The following ME1 variants were observed in gnomAD, a reference collection of about 807,000 sequenced individuals.
The protein encoded by ME1 is malic enzyme 1, also known as NADP-dependent malic enzyme.
ME1 carries 74 observed loss-of-function variants against 66.4 expected under a neutral mutation model. The ratio of observed to expected loss-of-function variants is 1.11; its 90% confidence interval spans 0.92 to 1.35. ME1 has a LOEUF of 1.35. Ranked by LOEUF, ME1 falls within the 40% of genes most tolerant of loss-of-function variation. The pLI, the probability that ME1 is intolerant of heterozygous loss-of-function variation, is 0.00. For missense variants in ME1, 750 were observed against 694.1 expected, an observed-to-expected ratio of 1.08 and a Z score of -0.90; for synonymous variants, 251 against 235.6, an observed-to-expected ratio of 1.07 and a Z score of -0.60.
At position 83,236,284 on chromosome 6, in the gene ME1, C is replaced by T. The variant is rs181602050; in HGVS notation, c.1026+1433G>A. ...GTAAATAATGCTGCAATAATATCCT[C>T]ATACATAAAATACTGTATACATCTC... On this transcript the variant is annotated intron_variant, in intron 9 of 13. Transcript: ENST00000369705. Among the ~76,000 whole-genome samples, 309 of 152,202 alleles carry T rather than the reference C, an allele frequency of 2.0e-3. 1 individual carries two copies. Among genetic ancestry groups the T allele is most frequent in the Middle Eastern group, 3.4e-3 (1 of 290 alleles).
At chr6:83,307,902 C>G (rs1205016198) in intron 6 of ME1, among the ~76,000 whole-genome samples, 1 of 152,054 alleles carries the variant, frequency 6.6e-6, no homozygotes, top group African/African-American at 2.4e-5. Flanking sequence ...TTTAGTATAT[C>G]TGGCCATGAT....
At chr6:83,262,523 G>T (rs1427572239) in intron 6 of ME1, among the ~76,000 whole-genome samples, 1 of 151,972 alleles carries the variant, frequency 6.6e-6, no homozygotes, top group South Asian at 2.1e-4. Context: ...CTAAATCTGT[G>T]ACTTTTTCTC....
chr6:83,317,767 C>T (rs1768061920), intron 5 of ME1, among the ~76,000 whole-genome samples: 1 of 152,152 alleles, frequency 6.6e-6, no homozygotes, highest in Admixed American at 6.6e-5. Flanking sequence ...CATCAAGCTA[C>T]CAATGCCTTT....
At chr6:83,247,248 T>C (rs1790640925) in intron 7 of ME1, among the ~76,000 whole-genome samples, 1 of 152,258 alleles carries the variant, frequency 6.6e-6, no homozygotes, top group African/African-American at 2.4e-5. Flanking sequence ...TTATTTTAAA[T>C]GACTAGAGGT....
At chr6:83,328,190 A>G (rs1168456370) in intron 5 of ME1, among the ~76,000 whole-genome samples, 1 of 152,212 alleles carries the variant, frequency 6.6e-6, no homozygotes, top group Non-Finnish European at 1.5e-5. Context: ...GCTGGAAACC[A>G]TCATTCTCAG....
In ME1 at chr6:83,410,575, G is replaced by C. The variant is rs547333391; in HGVS notation, c.79-2674C>G. Reference sequence around the variant, plus strand: ...AAAAGAAAGAAGAGAAAACTCAATAGATTTTTATCTAACTAGAAAATGAAA... The same window carrying C: ...AAAAGAAAGAAGAGAAAACTCAATACATTTTTATCTAACTAGAAAATGAAA... On this transcript the variant is annotated intron_variant, in intron 1 of 13. Coordinates refer to ENST00000369705, the MANE Select transcript of ME1 (RefSeq NM_002395.6). Among the ~76,000 whole-genome samples the C allele has an allele frequency of 8.9e-4, 136 of 152,162 alleles. 5 individuals are homozygous for C. In the South Asian group the frequency reaches 0.022, roughly 24 times the overall value.
At chr6:83,301,842 C>G (rs1767726764) in intron 6 of ME1, among the ~76,000 whole-genome samples, 1 of 152,090 alleles carries the variant, frequency 6.6e-6, no homozygotes, top group African/African-American at 2.4e-5. Flanking sequence ...TTATACACTG[C>G]TGGTGGGAGT....
At chr6:83,345,209 A>G (rs562668032) in intron 5 of ME1, among the ~76,000 whole-genome samples, 49 of 152,308 alleles carry the variant, frequency 3.2e-4, no homozygotes, top group African/African-American at 1.0e-3. Flanking sequence ...CAATTTTAGG[A>G]CAATTGTTTA....
chr6:83,394,931 C>T (rs985477955), intron 3 of ME1, among the ~76,000 whole-genome samples: 1 of 152,054 alleles, frequency 6.6e-6, no homozygotes, highest in African/African-American at 2.4e-5. Flanking sequence ...AACAAAAGAG[C>T]TACTTTAAGA....
At chr6:83,356,532 G>A (rs962217701) in intron 3 of ME1, among the ~76,000 whole-genome samples, 6 of 152,028 alleles carry the variant, frequency 3.9e-5, no homozygotes, top group Non-Finnish European at 1.5e-5. Context: ...AAGAAGAGAA[G>A]GCCAAGGAAA....
chr6:83,345,980 A>G (rs1768677058), intron 5 of ME1, among the ~76,000 whole-genome samples, 193 bp downstream of exon 5: 3 of 152,214 alleles, frequency 2.0e-5, no homozygotes, highest in Admixed American at 6.5e-5. Context: ...TAAAAGATTA[A>G]TCACGTTATT....
intron 1 of ME1, among the ~76,000 whole-genome samples, chr6:83,427,044 A>C (rs1436094527): frequency 6.6e-6 from 1 of 152,238 alleles, no homozygotes; most frequent in East Asian, 1.9e-4. Context: ...AAAAAAATTT[A>C]AAACACAACT....
At chr6:83,285,863 C>A (rs769861723) in intron 6 of ME1, among the ~76,000 whole-genome samples, 1 of 152,086 alleles carries the variant, frequency 6.6e-6, no homozygotes, top group South Asian at 2.1e-4. Flanking sequence ...GGAAAAGAGG[C>A]GAATGCATAA....
intron 9 of ME1, among the ~76,000 whole-genome samples, chr6:83,229,940 A>T (rs1378614416): frequency 6.6e-6 from 1 of 152,084 alleles, no homozygotes; most frequent in African/African-American, 2.4e-5. Context: ...CTCCCACCTA[A>T]GCCTCTCTAG....
chr6:83,311,543 A>G (rs1412196063), intron 6 of ME1, among the ~76,000 whole-genome samples: 1 of 152,180 alleles, frequency 6.6e-6, no homozygotes, highest in African/African-American at 2.4e-5. Context: ...AGTCTGGTAT[A>G]TAGACACATG....
At chr6:83,365,550 CAAA>C (rs1769087773) in intron 3 of ME1, among the ~76,000 whole-genome samples, 1 of 152,164 alleles carries the variant, frequency 6.6e-6, no homozygotes, top group African/African-American at 2.4e-5. Context: ...GTAAGGTATA[CAAA>C]AACAAGCTGT....
At chr6:83,394,634 C>T (rs1026539370) in intron 3 of ME1, among the ~76,000 whole-genome samples, 8 of 152,146 alleles carry the variant, frequency 5.3e-5, no homozygotes, top group Non-Finnish European at 7.4e-5. Context: ...CCGATAATAC[C>T]TCTGAAATAT....
intron 7 of ME1, among the ~76,000 whole-genome samples, chr6:83,247,555 C>T (rs1790647519): frequency 6.6e-6 from 1 of 151,326 alleles, no homozygotes; most frequent in Non-Finnish European, 1.5e-5. Context: ...AAGAGTCCAC[C>T]CAAGGGTCCA....
At chr6:83,369,721 A>T (rs1340831034) in intron 3 of ME1, among the ~76,000 whole-genome samples, 1 of 151,362 alleles carries the variant, frequency 6.6e-6, no homozygotes, top group Non-Finnish European at 1.5e-5. Flanking sequence ...GGAAGGAAGG[A>T]AGGAAATAAA....
Sources: gnomAD v4.1 joint callset for allele counts (sites outside exome capture counted in the v4.1 genomes callset) on GRCh38, gnomAD v4.1.1 for gene constraint, MANE v1.5 for transcripts, NCBI Gene and HGNC (gene_info 2026-07-23, HGNC 2026-07-21) for gene names.